Variants in KCNIP1 observed in about 807,000 individuals in gnomAD.
The protein encoded by KCNIP1 is A-type potassium channel modulatory protein KCNIP1.
KCNIP1 carries 18 observed loss-of-function variants against 33.0 expected under a neutral mutation model. The ratio of observed to expected loss-of-function variants is 0.55; its 90% CI spans 0.38 to 0.81. KCNIP1 has a LOEUF of 0.81. Ranked by LOEUF, KCNIP1 falls within the 30% of genes least tolerant of loss-of-function variation. The pLI is 0.00. For synonymous variants in KCNIP1, 93 were observed against 98.3 expected (o/e 0.95, Z 0.32); for missense variants, 238 against 271.6 (o/e 0.88, Z 0.87).
chr5:170,734,297 T>A (rs1764309102), intron 7 of KCNIP1, among the ~76,000 whole-genome samples: 1 of 152,140 alleles, frequency 6.6e-6, no homozygotes, highest in Non-Finnish European at 1.5e-5. Flanking sequence ...ACAGTGTGCA[T>A]AAAAATTGCC....
At chr5:170,614,115 TG>T (rs1759280367) in intron 1 of KCNIP1, among the ~76,000 whole-genome samples, 1 of 152,220 alleles carries the variant, frequency 6.6e-6, no homozygotes. Flanking sequence ...ACAAAGCAGA[TG>T]GGAACAGCTG....
At chr5:170,519,947 C>T (rs1755298146) in intron 1 of KCNIP1, among the ~76,000 whole-genome samples, 1 of 151,914 alleles carries the variant, frequency 6.6e-6, no homozygotes, top group Non-Finnish European at 1.5e-5. Context: ...AGGGGGTGAG[C>T]GAAAGCATGA....
intron 1 of KCNIP1, among the ~76,000 whole-genome samples, chr5:170,494,461 G>T (rs1351647801): frequency 6.6e-6 from 1 of 152,204 alleles, no homozygotes; most frequent in Non-Finnish European, 1.5e-5. Context: ...AAGAGAGCCA[G>T]CCTGGCCTCT....
chr5:170,721,917 G>T lies in KCNIP1; in HGVS notation c.327+14G>T. On this transcript the variant is annotated intron_variant, in intron 4 of 7. Transcript: ENST00000328939. ...GTGAAGTTCGAGGTACGCTCATCTG[G>T]GGTCCACTCTAGGGGTCCTCTGGTT... 6.2e-7 allele frequency: 1 copy of T among 1,614,052 alleles called. No homozygotes were observed. Among genetic ancestry groups the T allele is most frequent in the African/African-American group, 1.3e-5 (1 of 75,018 alleles).
At chr5:170,431,479 T>C (rs1237618805) in intron 1 of KCNIP1, among the ~76,000 whole-genome samples, 3 of 152,184 alleles carry the variant, frequency 2.0e-5, no homozygotes, top group African/African-American at 7.2e-5. Flanking sequence ...AGAAATCACA[T>C]TCGTTGACCT....
intron 1 of KCNIP1, among the ~76,000 whole-genome samples, chr5:170,620,190 T>C (rs1255373016): frequency 6.6e-6 from 1 of 152,224 alleles, no homozygotes; most frequent in Non-Finnish European, 1.5e-5. Context: ...GAGAGCCTTG[T>C]AGTGGATGTT....
chr5:170,640,822 G>A (rs1039183256), intron 1 of KCNIP1, among the ~76,000 whole-genome samples: 3 of 152,124 alleles, frequency 2.0e-5, no homozygotes, highest in African/African-American at 7.2e-5. Context: ...TGCAAGGGGG[G>A]ACACCTCACA....
chr5:170,705,344 A>T (rs1245737530), intron 1 of KCNIP1, among the ~76,000 whole-genome samples: 1 of 152,168 alleles, frequency 6.6e-6, no homozygotes, highest in Non-Finnish European at 1.5e-5. Context: ...TTCTCAGATG[A>T]ACTGACTGCA....
chr5:170,645,368 G>A (rs1295090528), intron 1 of KCNIP1, among the ~76,000 whole-genome samples: 1 of 152,044 alleles, frequency 6.6e-6, no homozygotes, highest in African/African-American at 2.4e-5. Context: ...ACATTGTTAG[G>A]GATAAGGATG....
chr5:170,625,813 A>G (rs953785096), intron 1 of KCNIP1, among the ~76,000 whole-genome samples: 12 of 152,122 alleles, frequency 7.9e-5, no homozygotes, highest in African/African-American at 2.9e-4. Context: ...ACGCGGTAAA[A>G]CATGATGCTT....
intron 1 of KCNIP1, among the ~76,000 whole-genome samples, chr5:170,628,488 G>C (rs1398957138): frequency 6.6e-6 from 1 of 151,936 alleles, no homozygotes; most frequent in Admixed American, 6.5e-5. Flanking sequence ...CAAAGGGCGT[G>C]TGTGTGTGTG....
chr5:170,640,841 G>A (rs536472955), intron 1 of KCNIP1, among the ~76,000 whole-genome samples: 1 of 152,314 alleles, frequency 6.6e-6, no homozygotes, highest in African/African-American at 2.4e-5. Context: ...CAGAAGGCAG[G>A]CTTGGCATGG....
chr5:170,483,879 A>G (rs1303210639), intron 1 of KCNIP1: 1 of 152,284 alleles, frequency 6.6e-6, no homozygotes, highest in Non-Finnish European at 1.5e-5. Flanking sequence ...GTGATGACTG[A>G]TGAATGTGAC....
At chr5:170,521,999 G>A (rs1755380072) in intron 1 of KCNIP1, among the ~76,000 whole-genome samples, 3 of 152,216 alleles carry the variant, frequency 2.0e-5, no homozygotes, top group Admixed American at 1.3e-4. Context: ...CTCTGGCCCA[G>A]GAACAACTCT....
At chr5:170,377,531 C>G (rs920337236) in intron 1 of KCNIP1, 1 of 152,094 alleles carries the variant, frequency 6.6e-6, no homozygotes, top group Non-Finnish European at 1.5e-5. Context: ...AAATCCTCCT[C>G]TATATCATGA....
chr5:170,649,425 G>A (rs1581445326), intron 1 of KCNIP1, among the ~76,000 whole-genome samples: 1 of 152,236 alleles, frequency 6.6e-6, no homozygotes, highest in African/African-American at 2.4e-5. Context: ...ATGGTCCATT[G>A]TTTAGTTTCT....
At chr5:170,446,924 T>C (rs1756130407) in intron 1 of KCNIP1, among the ~76,000 whole-genome samples, 1 of 152,222 alleles carries the variant, frequency 6.6e-6, no homozygotes, top group Non-Finnish European at 1.5e-5. Context: ...CCAAATTTCC[T>C]CTCTCTACAT....
intron 1 of KCNIP1, among the ~76,000 whole-genome samples, chr5:170,487,394 A>C (rs1350305756): frequency 6.6e-6 from 1 of 152,242 alleles, no homozygotes; most frequent in African/African-American, 2.4e-5. Flanking sequence ...TGGCCTAGGC[A>C]AGTTGACACG....
At chr5:170,645,635 C>T (rs1245088411) in intron 1 of KCNIP1, among the ~76,000 whole-genome samples, 1 of 152,176 alleles carries the variant, frequency 6.6e-6, no homozygotes, top group Non-Finnish European at 1.5e-5. Flanking sequence ...TAATTGACAT[C>T]TGTAGGCTAC....
Sources: allele counts gnomAD v4.1 joint callset (sites outside exome capture counted in the v4.1 genomes callset), GRCh38; gene constraint gnomAD v4.1.1; transcripts MANE v1.5; gene names NCBI Gene and HGNC (gene_info 2026-07-23, HGNC 2026-07-21).